The following SNX25 variants were observed in gnomAD, a reference collection of about 807,000 sequenced individuals.
SNX25 encodes the protein sorting nexin 25.
A neutral mutation model predicts 113.7 loss-of-function variants in SNX25; 62 were observed. The ratio of observed to expected loss-of-function variants is 0.55; its 90% CI spans 0.44 to 0.67. The LOEUF (loss-of-function observed/expected upper bound fraction) is 0.67, where lower values mean the gene tolerates loss of function less well. SNX25 is among the 30% of genes least tolerant of loss of function. The pLI, the probability that SNX25 is intolerant of heterozygous loss-of-function variation, is 0.00. For missense variants in SNX25, 1,014 were observed against 1,161.0 expected (o/e 0.87, Z 1.84); for synonymous variants, 421 against 436.2 (o/e 0.97, Z 0.43).
intron 7 of SNX25, among the ~76,000 whole-genome samples, chr4:185,319,961 A>C (rs971689555): frequency 6.6e-6 from 1 of 152,200 alleles, no homozygotes; most frequent in Admixed American, 6.5e-5. Flanking sequence ...GCAATTATTA[A>C]AAAGTCAAGA....
chr4:185,239,222 C>G (rs1013949657), intron 1 of SNX25, among the ~76,000 whole-genome samples: 1 of 151,530 alleles, frequency 6.6e-6, no homozygotes, highest in Non-Finnish European at 1.5e-5. Context: ...TGGCTCACAC[C>G]TGTAATCCCA....
chr4:185,287,963 A>G, intron 5 of SNX25, 49 bp from the exon 6 acceptor site: 1 of 1,431,318 alleles, frequency 7.0e-7, no homozygotes, highest in Non-Finnish European at 9.8e-7. Flanking sequence ...TTCTGAAAAT[A>G]GTATTTTCTT....
chr4:185,306,270 AT>A (rs1560992038), intron 6 of SNX25, among the ~76,000 whole-genome samples: 1 of 152,276 alleles, frequency 6.6e-6, no homozygotes, highest in Admixed American at 6.5e-5. Flanking sequence ...TGAATGTGGC[AT>A]TCGCTTTCTG....
At chr4:185,348,249 T>C (rs1266650308) in intron 13 of SNX25, among the ~76,000 whole-genome samples, 1 of 152,220 alleles carries the variant, frequency 6.6e-6, no homozygotes, top group Admixed American at 6.5e-5. Flanking sequence ...AAAACATGTT[T>C]TGCCTCTGCA....
intron 15 of SNX25, among the ~76,000 whole-genome samples, chr4:185,354,436 A>C (rs2126747825): frequency 6.6e-6 from 1 of 152,264 alleles, no homozygotes; most frequent in Non-Finnish European, 1.5e-5. Context: ...TGATTGTCTT[A>C]ACTTGGAGTG....
In SNX25 at chr4:185,212,491, G is replaced by GTGTGTTTTTGTT. The variant is rs546083196; in HGVS notation, c.429+2237_429+2238insGTGTTTTTGTTT. Among the ~76,000 whole-genome samples the GTGTGTTTTTGTT allele has an allele frequency of 9.8e-4, 103 of 104,940 alleles. 5 individuals are homozygous for GTGTGTTTTTGTT. Among genetic ancestry groups the GTGTGTTTTTGTT allele is most frequent in the African/African-American group, 3.5e-3 (95 of 27,028 alleles). 68.8% of individuals were successfully genotyped at this position (104,940 alleles called of 152,430 possible). Reference sequence around the variant, plus strand: ...TGTGTGTGTGTGTGTGTGTGTGTGTGTTTTTTTTTTTTTTTGCTTTGAGAC... The same window carrying GTGTGTTTTTGTT: ...TGTGTGTGTGTGTGTGTGTGTGTGTGTGTGTTTTTGTTTTTTTTTTTTTTTTTGCTTTGAGAC... On this transcript the variant is annotated intron_variant, in intron 1 of 18. Coordinates refer to ENST00000652585, the MANE Select transcript of SNX25 (RefSeq NM_001378034.2).
chr4:185,308,337 G>A (rs544000689), intron 6 of SNX25, among the ~76,000 whole-genome samples: 1 of 152,274 alleles, frequency 6.6e-6, no homozygotes, highest in East Asian at 1.9e-4. Context: ...GCTTGACGTG[G>A]CATAACTTGT....
At chr4:185,312,154 C>CCATT (rs1473218243) in intron 7 of SNX25, among the ~76,000 whole-genome samples, 8 of 152,048 alleles carry the variant, frequency 5.3e-5, no homozygotes, top group Admixed American at 1.3e-4. Flanking sequence ...GTCTTATGTC[C>CCATT]CATTCATTCA....
intron 6 of SNX25, among the ~76,000 whole-genome samples, chr4:185,288,551 C>T (rs1751674209): frequency 8.9e-6 from 1 of 112,524 alleles, no homozygotes; most frequent in Admixed American, 1.2e-4. Flanking sequence ...TTTATTTAAG[C>T]ATTGGATTGC....
At position 185,357,137 on chromosome 4, in the gene SNX25, G is replaced by A. The variant is rs139175718; in HGVS notation, c.2585-534G>A. On this transcript the variant is annotated intron_variant, in intron 15 of 18. Transcript: ENST00000652585. ...GACGGCCAAATTCATTTCTCATTCAGGGTCCTGCCTCTTCACCATTCACTT... is the reference window on the plus strand; with the variant it reads ...GACGGCCAAATTCATTTCTCATTCAAGGTCCTGCCTCTTCACCATTCACTT... Among the ~76,000 whole-genome samples, 510 of 152,274 alleles carry A rather than the reference G, an allele frequency of 3.3e-3. 3 individuals are homozygous for A. Among genetic ancestry groups the A allele is most frequent in the African/African-American group, 0.012 (487 of 41,546 alleles).
chr4:185,351,707 C>T, intron 14 of SNX25, 98 bp downstream of exon 14: 2 of 1,269,960 alleles, frequency 1.6e-6, no homozygotes, highest in African/African-American at 1.5e-5. Context: ...TATTTTCAGT[C>T]ATTAGCACTG....
rs537062095 is a variant in SNX25 at position 185,218,264 on chromosome 4, T to C, written c.429+8009T>C. ...CAAGCCTGGCTAATTTTTGTATTTTTAGTAGAGACGGGGTTTTGCCATGTT... is the reference window on the plus strand; with the variant it reads ...CAAGCCTGGCTAATTTTTGTATTTTCAGTAGAGACGGGGTTTTGCCATGTT... On this transcript the variant is annotated intron_variant, in intron 1 of 18. Coordinates refer to ENST00000652585, the MANE Select transcript of SNX25 (RefSeq NM_001378034.2). Among the ~76,000 whole-genome samples, 204 of 152,366 alleles carry C rather than the reference T, an allele frequency of 1.3e-3. 1 individual carries two copies. The highest frequency in any genetic ancestry group is 4.3e-3 in the African/African-American group (180 of 41,580).
At chr4:185,219,222 G>C (rs1036050865) in intron 1 of SNX25, among the ~76,000 whole-genome samples, 1 of 152,150 alleles carries the variant, frequency 6.6e-6, no homozygotes, top group Admixed American at 6.5e-5. Context: ...CTTTATAGAA[G>C]CTGGCAGGCT....
chr4:185,354,747 C>A (rs2095331510), intron 15 of SNX25, among the ~76,000 whole-genome samples: 1 of 152,238 alleles, frequency 6.6e-6, no homozygotes, highest in African/African-American at 2.4e-5. Flanking sequence ...CTTAATGCTA[C>A]TCTCCGTCCA....
At chr4:185,275,471 A>C (rs905615320) in intron 5 of SNX25, among the ~76,000 whole-genome samples, 14 of 152,202 alleles carry the variant, frequency 9.2e-5, no homozygotes, top group African/African-American at 3.4e-4. Context: ...ATTAACAATA[A>C]AGTGGGTTAC....
intron 1 of SNX25, among the ~76,000 whole-genome samples, chr4:185,224,766 CT>C (rs1740717605): frequency 6.6e-6 from 1 of 151,488 alleles, no homozygotes; most frequent in Non-Finnish European, 1.5e-5. Context: ...GTTATCCCAT[CT>C]TTGGCCAGTG....
At chr4:185,282,712 T>A (rs1750789675) in intron 5 of SNX25, among the ~76,000 whole-genome samples, 1 of 152,238 alleles carries the variant, frequency 6.6e-6, no homozygotes, top group South Asian at 2.1e-4. Flanking sequence ...GGAAAGCAGC[T>A]GAATTCTTGT....
chr4:185,224,044 T>G (rs6835027), intron 1 of SNX25, among the ~76,000 whole-genome samples: 78,412 of 151,962 alleles, frequency 0.52, 20,740 homozygotes, highest in East Asian at 0.75. Flanking sequence ...TCCCCCATTG[T>G]GTGTTTTTAA....
At chr4:185,344,852 A>G (rs2095277636) in intron 12 of SNX25, among the ~76,000 whole-genome samples, 1 of 152,170 alleles carries the variant, frequency 6.6e-6, no homozygotes, top group Non-Finnish European at 1.5e-5. Context: ...CCCAAACTGA[A>G]TGTCATGCAT....
Sources: allele counts gnomAD v4.1 joint callset (sites outside exome capture counted in the v4.1 genomes callset), GRCh38; gene constraint gnomAD v4.1.1; transcripts MANE v1.5; gene names NCBI Gene and HGNC (gene_info 2026-07-23, HGNC 2026-07-21).